The following UPF2 variants were observed in gnomAD, a reference collection of about 807,000 sequenced individuals.
UPF2 encodes regulator of nonsense transcripts 2.
Under a neutral mutation model 141.4 loss-of-function variants are expected in UPF2, and 17 were observed. That is an observed-to-expected ratio of 0.12 (90% CI 0.08 to 0.18). The LOEUF (loss-of-function observed/expected upper bound fraction) is 0.18. Ranked by LOEUF, UPF2 falls within the 10% of genes least tolerant of loss-of-function variation. The pLI is 1.00. For missense variants in UPF2, 1,152 were observed against 1,515.9 expected, an observed-to-expected ratio of 0.76 and a Z score of 3.99; for synonymous variants, 540 against 498.0, an observed-to-expected ratio of 1.08 and a Z score of -1.12.
intron 15 of UPF2, among the ~76,000 whole-genome samples, chr10:11,950,288 G>A (rs1022569916): frequency 6.6e-6 from 1 of 152,052 alleles, no homozygotes; most frequent in African/African-American, 2.4e-5. Context: ...ATGAGACAAT[G>A]AATTTTCAGG....
intron 8 of UPF2, among the ~76,000 whole-genome samples, chr10:11,982,848 G>C (rs1032988643): frequency 6.6e-6 from 1 of 152,000 alleles, no homozygotes; most frequent in Non-Finnish European, 1.5e-5. Flanking sequence ...TTGAACTCCC[G>C]ACCTTAGGCG....
chr10:11,938,521 A>C (rs1033627296), intron 18 of UPF2, among the ~76,000 whole-genome samples: 5 of 152,170 alleles, frequency 3.3e-5, no homozygotes, highest in Non-Finnish European at 5.9e-5. Flanking sequence ...ACCACACTGG[A>C]TATTATCACT....
intron 21 of UPF2, among the ~76,000 whole-genome samples, chr10:11,927,814 T>C (rs554193853): frequency 5.1e-4 from 77 of 152,222 alleles, no homozygotes; most frequent in African/African-American, 1.8e-3. Context: ...TCTGAGCAAA[T>C]AGTTCAAAGA....
chr10:11,980,909 T>G lies in UPF2; in HGVS notation c.1845-1744A>C, dbSNP rs1833580734. 6.6e-6 allele frequency among the ~76,000 whole-genome samples: 1 copy of G among 152,038 alleles called. No homozygotes were observed. The highest frequency in any genetic ancestry group is 1.5e-5 in the Non-Finnish European group (1 of 67,988). On this transcript the variant is annotated intron_variant, in intron 8 of 21. Coordinates refer to ENST00000357604, the MANE Select transcript of UPF2 (RefSeq NM_015542.4). This position sits in a 1 kb window ranked among gnomAD's most constrained non-coding sequence, Gnocchi z 4.2. Reference sequence around the variant, plus strand: ...ATGGAAATAAATTTGAAAGGTATGGTTAGGCTGGGCATGGTGGTCAATAAT... The same window carrying G: ...ATGGAAATAAATTTGAAAGGTATGGGTAGGCTGGGCATGGTGGTCAATAAT...
In UPF2 at chr10:12,033,016, T is replaced by C. The variant is rs1310241494; in HGVS notation, c.365+2043A>G. On this transcript the variant is annotated intron_variant, in intron 2 of 21. Transcript: ENST00000357604. ...AATGCCACCATCACCCCCCCAAAAA[T>C]GGGAAGAAAGTAGAAGTCCTAAAGA... Among the ~76,000 whole-genome samples the C allele has an allele frequency of 2.0e-5, 3 of 151,740 alleles. No individual in the cohort carries two copies. In the East Asian group the frequency reaches 5.8e-4, roughly 29 times the overall value.
In UPF2 at chr10:11,969,988, T is replaced by C. The variant is rs1833388838; in HGVS notation, c.1954-2534A>G. ...AATACATGGGCACTAAATAAATGTT[T>C]GCTGAAAAATAACTGAAAAGCTAAA... On this transcript the variant is annotated intron_variant, in intron 9 of 21. Coordinates refer to ENST00000357604, the MANE Select transcript of UPF2 (RefSeq NM_015542.4). Among the ~76,000 whole-genome samples the C allele has an allele frequency of 2.6e-5, 4 of 152,248 alleles. No homozygotes were observed. In the South Asian group the frequency reaches 8.3e-4, roughly 31 times the overall value.
rs775803588 is a variant in UPF2, at chr10:12,029,010, T to C, written c.880A>G (p.Ile294Val). Residue 294 changes from isoleucine (I) to valine (V), a missense_variant, in exon 3 of 22, where the codon ATT becomes GTT. Physicochemically the swap from Ile to Val is conservative, Grantham distance 29. Transcript: ENST00000357604. ...TGGGACTCCCGATCAGCATTAATAATATTTTTTAGCTGTTCATAGATTAAG... is the reference window on the plus strand; with the variant it reads ...TGGGACTCCCGATCAGCATTAATAACATTTTTTAGCTGTTCATAGATTAAG... ...LSLIYEQLKN[I>V]INADRESHTH... is the part of the protein sequence containing the mutation. The C allele has an allele frequency of 1.4e-5, 22 of 1,614,116 alleles. No homozygotes were observed. Among genetic ancestry groups the C allele is most frequent in the East Asian group, 2.2e-5 (1 of 44,898 alleles).
In UPF2 at chr10:11,953,423, C is replaced by CA. The variant is rs1188281900; in HGVS notation, c.2851-1175dup. Among the ~76,000 whole-genome samples the CA allele has an allele frequency of 1.3e-5, 2 of 152,222 alleles. No individual in the cohort carries two copies. The highest frequency in any genetic ancestry group is 2.9e-5 in the Non-Finnish European group (2 of 68,042). On this transcript the variant is annotated intron_variant, in intron 14 of 21. Coordinates refer to ENST00000357604, the MANE Select transcript of UPF2 (RefSeq NM_015542.4). This position sits in a 1 kb window ranked among gnomAD's most constrained non-coding sequence, Gnocchi z 5.0. ...CCTGACCTTCTAATACTAAACTGTACACTCCATGTTCTGGGTGAAACACAC... is the reference window on the plus strand; with the variant it reads ...CCTGACCTTCTAATACTAAACTGTACAACTCCATGTTCTGGGTGAAACACAC...
rs140723817 is a variant in UPF2, at chr10:11,993,526, CA to C, written c.1844+4145del. Among the ~76,000 whole-genome samples the C allele has an allele frequency of 1.3e-4, 18 of 140,978 alleles. 1 individual carries two copies. The highest frequency in any genetic ancestry group is 2.1e-4 in the African/African-American group (8 of 38,710). The allele number at this position is 140,978 out of a possible 152,430, so 92.5% of individuals were successfully genotyped here. On this transcript the variant is annotated intron_variant, in intron 8 of 21. Transcript: ENST00000357604. ...GAGACAAAGTAAACTTCAAAAATTC[CA>C]AAAAAAAAACCAGACAGTATTCTCT...
chr10:12,023,585 G>T (rs565423224), intron 3 of UPF2, among the ~76,000 whole-genome samples: 2 of 151,756 alleles, frequency 1.3e-5, no homozygotes, highest in Admixed American at 6.6e-5. Flanking sequence ...AGTTACTCGG[G>T]AGGCTGAGGC....
rs1832952516 is a variant in UPF2, at chr10:11,942,782, C to A, written c.3280-19G>T. ...TTACCTCCTTATTAAAACAAAACAACAAAATCAGACCAGAAATTTTAACTG... is the reference window on the plus strand; with the variant it reads ...TTACCTCCTTATTAAAACAAAACAAAAAAATCAGACCAGAAATTTTAACTG... On this transcript the variant is annotated intron_variant, in intron 17 of 21. Coordinates refer to ENST00000357604, the MANE Select transcript of UPF2 (RefSeq NM_015542.4). 6.2e-7 allele frequency: 1 copy of A among 1,605,744 alleles called. No individual in the cohort carries two copies. Among genetic ancestry groups the A allele is most frequent in the Non-Finnish European group, 8.5e-7 (1 of 1,174,610 alleles).
chr10:12,025,294 T>C (rs1834399385), intron 3 of UPF2, among the ~76,000 whole-genome samples: 1 of 152,176 alleles, frequency 6.6e-6, no homozygotes, highest in Non-Finnish European at 1.5e-5. Context: ...CTGACGCCTG[T>C]AATCCCAGCA....
chr10:11,948,860 A>C (rs1373039259), intron 15 of UPF2, among the ~76,000 whole-genome samples: 1 of 152,176 alleles, frequency 6.6e-6, no homozygotes, highest in Non-Finnish European at 1.5e-5. Context: ...AGCCATATGT[A>C]AGATACAGCG....
Position 11,931,602 on chromosome 10 carries a change from C to A in UPF2, c.3688+39G>T. ...AATAACAATTTTGATGCTCAAAAGG[C>A]AACAAAAATTTCCACTTCTCTTATA... is the stretch of plus-strand genomic sequence containing the variant. On this transcript the variant is annotated intron_variant, in intron 20 of 21. Transcript: ENST00000357604. The surrounding 1 kb of genome is among the most constrained non-coding windows in gnomAD (Gnocchi z 5.9). 1.3e-6 allele frequency: 2 copies of A among 1,506,218 alleles called. No homozygotes were observed. Among genetic ancestry groups the A allele is most frequent in the Admixed American group, 2.3e-5 (1 of 44,310 alleles). The allele number at this position is 1,506,218 out of a possible 1,614,324, so 93.3% of individuals were successfully genotyped here.
intron 9 of UPF2, among the ~76,000 whole-genome samples, chr10:11,974,909 T>C (rs1278293897): frequency 1.3e-5 from 2 of 152,212 alleles, no homozygotes; most frequent in East Asian, 1.9e-4. Flanking sequence ...CACATATCTA[T>C]TTGTTTTTGT....
chr10:11,961,594 A>G (rs2399767), intron 11 of UPF2, among the ~76,000 whole-genome samples: 35,434 of 151,730 alleles, frequency 0.23, 4,228 homozygotes, highest in Middle Eastern at 0.32. Flanking sequence ...GATCACTGAC[A>G]AGCTTCAAGC....
intron 4 of UPF2, among the ~76,000 whole-genome samples, chr10:12,007,397 A>C (rs1028557087): frequency 4.1e-4 from 62 of 152,368 alleles, no homozygotes; most frequent in African/African-American, 1.5e-3. Flanking sequence ...TATCTAAAAA[A>C]TAATGTAAAT....
At position 11,956,133 on chromosome 10, in the gene UPF2, C is replaced by A. The variant is rs957965520; in HGVS notation, c.2574+187G>T. Among the ~76,000 whole-genome samples, 1 of 143,120 alleles carries A rather than the reference C, an allele frequency of 7.0e-6. No homozygotes were observed. 93.9% of individuals were successfully genotyped at this position (143,120 alleles called of 152,430 possible). On this transcript the variant is annotated intron_variant, in intron 13 of 21. Coordinates refer to ENST00000357604, the MANE Select transcript of UPF2 (RefSeq NM_015542.4). This position sits in a 1 kb window ranked among gnomAD's most constrained non-coding sequence, Gnocchi z 4.2. ...GTGCACTCCAGCCTGGGTGACACAGCGAGACTCAGTCTCAAAAAAAAAAAA... is the reference window on the plus strand; with the variant it reads ...GTGCACTCCAGCCTGGGTGACACAGAGAGACTCAGTCTCAAAAAAAAAAAA...
chr10:11,994,848 C>T (rs1010329551), intron 8 of UPF2, among the ~76,000 whole-genome samples: 2 of 151,472 alleles, frequency 1.3e-5, no homozygotes, highest in Non-Finnish European at 2.9e-5. Flanking sequence ...TGGTGGCAGG[C>T]GCCTGTAGTC....
Sources: allele counts gnomAD v4.1 joint callset (sites outside exome capture counted in the v4.1 genomes callset), GRCh38; gene constraint gnomAD v4.1.1; non-coding constraint Gnocchi (gnomAD v3.1); transcripts MANE v1.5; gene names NCBI Gene and HGNC (gene_info 2026-07-23, HGNC 2026-07-21).